The following SI variants were observed in gnomAD, a reference collection of about 807,000 sequenced individuals.
SI encodes sucrase-isomaltase.
Under a neutral mutation model 253.3 loss-of-function variants are expected in SI, and 235 were observed. The ratio of observed to expected loss-of-function variants is 0.93; its 90% CI spans 0.83 to 1.03. The LOEUF is 1.03. SI is among the 50% of genes least tolerant of loss of function. The pLI is 0.00. For synonymous variants in SI, 819 were observed against 712.0 expected (o/e 1.15, Z -2.39); for missense variants, 2,442 against 2,211.1 (o/e 1.10, Z -2.09).
chr3:165,080,635 A>G (rs1715279891), upstream of SI, among the ~76,000 whole-genome samples: 1 of 152,026 alleles, frequency 6.6e-6, no homozygotes, highest in Non-Finnish European at 1.5e-5. Context: ...CATCATTCTC[A>G]GCCAACTATC....
At chr3:165,000,978 A>G in intron 37 of SI, among the ~76,000 whole-genome samples, 1 of 151,398 alleles carries the variant, frequency 6.6e-6, no homozygotes, top group Non-Finnish European at 1.5e-5. Context: ...AAAGTTTTTT[A>G]TAGAAGTAAA....
In SI at chr3:165,078,433, C is replaced by T. The variant is rs999125077; in HGVS notation, c.-1G>A. On this transcript the variant is annotated splice_region_variant and 5_prime_UTR_variant, in exon 1 of 48. Transcript: ENST00000264382. ...AAAAACATATGAGCCATAGACTTAC[C>T]TTATTTCATAGCCTGTTCTCTTTGC... 1 of 151,800 alleles carries T rather than the reference C, an allele frequency of 6.6e-6. No homozygotes were observed. The highest frequency in any genetic ancestry group is 1.5e-5 in the Non-Finnish European group (1 of 67,626). 9.4% of individuals were successfully genotyped at this position (151,800 alleles called of 1,614,324 possible).
intron 38 of SI, 23 bp downstream of exon 38, chr3:164,998,517 T>A: frequency 6.2e-7 from 1 of 1,610,180 alleles, no homozygotes; most frequent in Non-Finnish European, 8.5e-7. Context: ...AAAATAATAA[T>A]AAAGATGGTG....
At chr3:165,030,512 G>T (rs1712173394) in intron 25 of SI, among the ~76,000 whole-genome samples, 200 bp downstream of exon 25, 2 of 150,764 alleles carry the variant, frequency 1.3e-5, no homozygotes, top group South Asian at 4.1e-4. Flanking sequence ...ATTCAGCCTG[G>T]CGTTTACTAA....
chr3:165,063,315 G>T, intron 8 of SI, 127 bp downstream of exon 8: 2 of 488,604 alleles, frequency 4.1e-6, no homozygotes, highest in East Asian at 3.6e-5. Context: ...TTATAATAAT[G>T]TCACATGTTA....
chr3:165,019,496 GC>G, intron 28 of SI, 105 bp downstream of exon 28: 1 of 1,038,144 alleles, frequency 9.6e-7, no homozygotes, highest in Non-Finnish European at 1.5e-6. Context: ...TCTAGCTAAT[GC>G]CTTTGTCATT....
chr3:165,038,685 T>A (rs1560001790), intron 20 of SI, among the ~76,000 whole-genome samples: 1 of 152,022 alleles, frequency 6.6e-6, no homozygotes, highest in African/African-American at 2.4e-5. Context: ...TATTTGAATA[T>A]ACCATATAAA....
intron 2 of SI, among the ~76,000 whole-genome samples, chr3:165,075,538 G>A (rs1311083236): frequency 1.3e-5 from 2 of 151,842 alleles, no homozygotes; most frequent in Non-Finnish European, 2.9e-5. Flanking sequence ...TCCTTTGCAA[G>A]TGTGTGAAGG....
intron 45 of SI, among the ~76,000 whole-genome samples, chr3:164,983,384 A>G (rs1210469187): frequency 1.3e-5 from 2 of 152,168 alleles, no homozygotes; most frequent in Non-Finnish European, 1.5e-5. Flanking sequence ...AAGAATAAAC[A>G]GAATTCAGTG....
At chr3:165,082,885 A>G (rs1283002026), upstream of SI, among the ~76,000 whole-genome samples, 1 of 151,964 alleles carries the variant, frequency 6.6e-6, no homozygotes. Flanking sequence ...GAAGAGGCTT[A>G]TTATAGGATT....
chr3:165,073,748 A>C (rs1224205249), intron 3 of SI, among the ~76,000 whole-genome samples: 1 of 152,172 alleles, frequency 6.6e-6, no homozygotes, highest in African/African-American at 2.4e-5. Flanking sequence ...AAATAATGTA[A>C]ATAAAAAACA....
intron 2 of SI, 126 bp downstream of exon 2, chr3:165,075,769 C>G: frequency 1.6e-6 from 1 of 612,608 alleles, no homozygotes; most frequent in African/African-American, 1.8e-5. Flanking sequence ...AATTGTGTAA[C>G]TTACCCTGGA....
At chr3:165,062,567 G>T (rs969728140) in intron 8 of SI, 84 bp from the exon 9 acceptor site, 10 of 702,464 alleles carry the variant, frequency 1.4e-5, no homozygotes, top group Admixed American at 4.0e-5. Context: ...AAATTAATTT[G>T]TATTAACTAC....
chr3:165,067,069 G>C (rs990637163), intron 6 of SI, among the ~76,000 whole-genome samples: 1 of 151,854 alleles, frequency 6.6e-6, no homozygotes, highest in African/African-American at 2.4e-5. Context: ...AGCTATTCTA[G>C]GTATGTACAA....
intron 16 of SI, among the ~76,000 whole-genome samples, chr3:165,045,417 A>C (rs1480903340): frequency 6.6e-6 from 1 of 152,074 alleles, no homozygotes; most frequent in Non-Finnish European, 1.5e-5. Context: ...GGTTGCTATA[A>C]TAAGTGACAC....
intron 40 of SI, 52 bp downstream of exon 40, chr3:164,996,483 G>T: frequency 1.0e-6 from 1 of 976,416 alleles, no homozygotes; most frequent in Non-Finnish European, 1.7e-6. Flanking sequence ...AAAGTATAAT[G>T]AAGCATAGCC....
In SI at chr3:165,069,080, A is replaced by C; in HGVS notation, c.371T>G (p.Ile124Ser). The C allele has an allele frequency of 6.3e-7, 1 of 1,594,278 alleles. No homozygotes were observed. ...CATTATAACAGAGGACTTCTTACCA[A>C]TACTTGTTGTTGTCATGTCTTGAAC... ...YNVQDMTTTS[I>S]GVEAKLNRIP... Residue 124 changes from isoleucine (I) to serine (S), a missense_variant and splice_region_variant, in exon 4 of 48, where the codon ATT (isoleucine) becomes AGT (serine). Coordinates refer to ENST00000264382, the MANE Select transcript of SI (RefSeq NM_001041.4).
At chr3:165,006,711 T>A in intron 37 of SI, 105 bp downstream of exon 37, 1 of 987,214 alleles carries the variant, frequency 1.0e-6, no homozygotes, top group South Asian at 1.4e-5. Context: ...AATTGGGAAG[T>A]AAAGAGATAC....
chr3:165,040,189 T>A (rs1576903153), intron 18 of SI, among the ~76,000 whole-genome samples: 2 of 129,104 alleles, frequency 1.5e-5, no homozygotes, highest in East Asian at 2.2e-4. Flanking sequence ...AAGGGGGGAG[T>A]AGAAGAGGGA....
Sources: allele counts gnomAD v4.1 joint callset (sites outside exome capture counted in the v4.1 genomes callset), GRCh38; gene constraint gnomAD v4.1.1; transcripts MANE v1.5; gene names NCBI Gene and HGNC (gene_info 2026-07-23, HGNC 2026-07-21).